Variants in MMAB observed in about 807,000 individuals in gnomAD.
MMAB encodes metabolism of cobalamin associated B, also known as corrinoid adenosyltransferase MMAB.
Under a neutral mutation model 30.6 loss-of-function variants are expected in MMAB, and 17 were observed. The ratio of observed to expected loss-of-function variants is 0.56; its 90% CI spans 0.38 to 0.83. The LOEUF (loss-of-function observed/expected upper bound fraction) is 0.83. Among genes scored for constraint, MMAB ranks in the 40% least tolerant of loss-of-function variants. The pLI is 0.00. For missense variants in MMAB, 311 were observed against 331.6 expected (o/e 0.94, Z 0.48); for synonymous variants, 134 against 138.6 (o/e 0.97, Z 0.23).
chr12:109,568,601 C>G (rs1012821810), intron 3 of MMAB, 169 bp downstream of exon 3: 1 of 698,676 alleles, frequency 1.4e-6, no homozygotes, highest in South Asian at 1.5e-5. Context: ...GAGTCTGCAG[C>G]CCCACAGCCT....
chr12:109,567,012 T>C (rs1278174548), intron 3 of MMAB: 1 of 455,900 alleles, frequency 2.2e-6, no homozygotes, highest in Non-Finnish European at 4.4e-6. Context: ...AAATCTCACC[T>C]AGTCAGGCCC....
rs188441492 is a variant in MMAB, at chr12:109,556,115, C to T, written c.*913G>A. The T allele has an allele frequency of 3.7e-5, 17 of 453,776 alleles. No individual in the cohort carries two copies. The highest frequency in any genetic ancestry group is 1.8e-4 in the African/African-American group (9 of 50,112). 28.1% of individuals were successfully genotyped at this position (453,776 alleles called of 1,614,324 possible). A position where few individuals can be genotyped will look rare whatever the true frequency, so the allele number is the denominator to read the frequency against. On this transcript the variant is annotated 3_prime_UTR_variant, in exon 9 of 9. Coordinates refer to ENST00000545712, the MANE Select transcript of MMAB (RefSeq NM_052845.4). Reference sequence around the variant, plus strand: ...AGGACACTGCTGGCACTGGCAGTGTCGTTTCATAGCAGGAGGGAGCAGCAG... The same window carrying T: ...AGGACACTGCTGGCACTGGCAGTGTTGTTTCATAGCAGGAGGGAGCAGCAG...
chr12:109,564,357 GTTGT>G (rs1042409792), intron 4 of MMAB, among the ~76,000 whole-genome samples: 1 of 146,876 alleles, frequency 6.8e-6, no homozygotes, highest in African/African-American at 2.5e-5. Flanking sequence ...TATGTCTCCA[GTTGT>G]TTGTTTTGGA....
chr12:109,563,313 G>T (rs1352308223), intron 4 of MMAB, among the ~76,000 whole-genome samples: 1 of 152,222 alleles, frequency 6.6e-6, no homozygotes, highest in African/African-American at 2.4e-5. Flanking sequence ...CTGAGGCTCA[G>T]TTTGGCTCCC....
chr12:109,555,287 T>G lies in MMAB; in HGVS notation c.*1741A>C, dbSNP rs749806235. On this transcript the variant is annotated 3_prime_UTR_variant, in exon 9 of 9. Transcript: ENST00000545712. Reference sequence around the variant, plus strand: ...TTGCGTTTTCAGGGTTTTTTTTTTTTTTTTTTTTTTTTTGTGACGGAGTCT... The same window carrying G: ...TTGCGTTTTCAGGGTTTTTTTTTTTGTTTTTTTTTTTTTGTGACGGAGTCT... The G allele has an allele frequency of 6.9e-4, 252 of 366,388 alleles. 2 individuals carry two copies. The highest frequency in any genetic ancestry group is 3.4e-3 in the African/African-American group (123 of 36,696). The allele number at this position is 366,388 out of a possible 1,614,324, so 22.7% of individuals were successfully genotyped here. A position where few individuals can be genotyped will look rare whatever the true frequency, so the allele number is the denominator to read the frequency against.
intron 8 of MMAB, 57 bp downstream of exon 8, chr12:109,559,039 C>G: frequency 1.5e-6 from 2 of 1,377,556 alleles, no homozygotes; most frequent in South Asian, 2.3e-5. Flanking sequence ...ACCGCTGCTA[C>G]TTCCCACAGA....
rs895823332 is a variant in MMAB at position 109,561,669 on chromosome 12, GCTAA to G, written c.421+107_421+110del. 27 of 1,242,488 alleles carry G rather than the reference GCTAA, an allele frequency of 2.2e-5. No homozygotes were observed. The highest frequency in any genetic ancestry group is 3.1e-5 in the Non-Finnish European group (27 of 870,182). 77.0% of individuals were successfully genotyped at this position (1,242,488 alleles called of 1,614,324 possible). On this transcript the variant is annotated intron_variant, in intron 5 of 8. Transcript: ENST00000545712. The surrounding 1 kb of genome is among the most constrained non-coding windows in gnomAD (Gnocchi z 5.3). Reference sequence around the variant, plus strand: ...TTCCCTCCCAGGAGCTACGAGCAAGGCTAACTGACCCACCCGTGGGTCCCTGGGG... The same window carrying G: ...TTCCCTCCCAGGAGCTACGAGCAAGGCTGACCCACCCGTGGGTCCCTGGGG...
Position 109,561,680 on chromosome 12 carries a change from C to G in MMAB, c.421+100G>C. 7.8e-7 allele frequency: 1 copy of G among 1,287,600 alleles called. No homozygotes were observed. Among genetic ancestry groups the G allele is most frequent in the South Asian group, 1.3e-5 (1 of 78,452 alleles). 79.8% of individuals were successfully genotyped at this position (1,287,600 alleles called of 1,614,324 possible). The stretch of plus-strand genomic sequence containing the variant: ...GAGCTACGAGCAAGGCTAACTGACC[C>G]ACCCGTGGGTCCCTGGGGGCCTGGG... On this transcript the variant is annotated intron_variant, in intron 5 of 8. Transcript: ENST00000545712. The surrounding 1 kb of genome is among the most constrained non-coding windows in gnomAD (Gnocchi z 5.3).
At chr12:109,566,829 C>T (rs72650193) in intron 3 of MMAB, among the ~76,000 whole-genome samples, 21 of 152,204 alleles carry the variant, frequency 1.4e-4, no homozygotes, top group Non-Finnish European at 1.2e-4. Context: ...GAGACGATGG[C>T]TCGTGTTTTA....
At chr12:109,565,021 C>T in intron 4 of MMAB, 98 bp downstream of exon 4, 2 of 931,730 alleles carry the variant, frequency 2.1e-6, no homozygotes, top group East Asian at 2.4e-5. Context: ...AGTAACTAGC[C>T]CCAGGTGACA....
rs1555274496 is a variant in MMAB, at chr12:109,561,046, T to TCGGCCCGGCGGCACA, written c.563_577dup (p.Val188_Ala192dup). On this transcript the variant is annotated inframe_insertion, in exon 7 of 9. Transcript: ENST00000545712. This position sits in a 1 kb window ranked among gnomAD's most constrained non-coding sequence, Gnocchi z 5.3. ...CTCTCTCCAGCCCTCTTACCGTCTC[T>TCGGCCCGGCGGCACA]CGGCCCGGCGGCACACGGCCCGGCA... The TCGGCCCGGCGGCACA allele has an allele frequency of 4.3e-5, 63 of 1,450,316 alleles. No homozygotes were observed. The highest frequency in any genetic ancestry group is 5.6e-5 in the Non-Finnish European group (60 of 1,078,868). 89.8% of individuals were successfully genotyped at this position (1,450,316 alleles called of 1,614,324 possible).
At chr12:109,573,240 T>G in intron 1 of MMAB, 107 bp downstream of exon 1, 1 of 1,476,946 alleles carries the variant, frequency 6.8e-7, no homozygotes, top group Non-Finnish European at 9.4e-7. Context: ...CGTGGAGACG[T>G]CACCTGACGG....
chr12:109,564,738 G>T, intron 4 of MMAB: 1 of 351,820 alleles, frequency 2.8e-6, no homozygotes, highest in Non-Finnish European at 5.5e-6. Flanking sequence ...GAGTGCAGTG[G>T]CATGATCACA....
rs1337591474 is a variant in MMAB, at chr12:109,561,627, C to T, written c.422-110G>A. On this transcript the variant is annotated intron_variant, in intron 5 of 8. Transcript: ENST00000545712. This position sits in a 1 kb window ranked among gnomAD's most constrained non-coding sequence, Gnocchi z 5.3. ...CTGGGTGTCCCGCAGACTGCTTCCACTGGCTCAGAAGGTACCTTCCCTCCC... is the reference window on the plus strand; with the variant it reads ...CTGGGTGTCCCGCAGACTGCTTCCATTGGCTCAGAAGGTACCTTCCCTCCC... The T allele has an allele frequency of 2.4e-6, 3 of 1,233,186 alleles. No homozygotes were observed. The highest frequency in any genetic ancestry group is 1.5e-5 in the African/African-American group (1 of 67,030). The allele number at this position is 1,233,186 out of a possible 1,614,324, so 76.4% of individuals were successfully genotyped here.
rs886727967 is a variant in MMAB at position 109,561,772 on chromosome 12, A to C, written c.421+8T>G. 1 of 1,604,318 alleles carries C rather than the reference A, an allele frequency of 6.2e-7. No homozygotes were observed. Among genetic ancestry groups the C allele is most frequent in the African/African-American group, 1.3e-5 (1 of 74,684 alleles). On this transcript the variant is annotated splice_region_variant and intron_variant, in intron 5 of 8. Coordinates refer to ENST00000545712, the MANE Select transcript of MMAB (RefSeq NM_052845.4). This position sits in a 1 kb window ranked among gnomAD's most constrained non-coding sequence, Gnocchi z 5.3. ...CCCTCTGAACACCCACAGGAGTTTG[A>C]GAATTACTTAAGTGAGCCTCCCGGG... is the stretch of plus-strand genomic sequence containing the variant.
chr12:109,557,071 A>T lies in MMAB; in HGVS notation c.710T>A (p.Ile237Lys). Residue 237 changes from isoleucine to lysine, a missense_variant, in exon 9 of 9, where the codon ATA (isoleucine) becomes AAA (lysine). Coordinates refer to ENST00000545712, the MANE Select transcript of MMAB (RefSeq NM_052845.4). ...AAMKEGNQEK[I>K]YMKNDPSAES... ...GGCCGATGGGTCATTTTTCATGTAT[A>T]TTTTCTCTTGATTCCCCTCCTTCAT... The T allele has an allele frequency of 6.2e-7, 1 of 1,613,786 alleles. No homozygotes were observed. Among genetic ancestry groups the T allele is most frequent in the Non-Finnish European group, 8.5e-7 (1 of 1,179,744 alleles).
At chr12:109,562,071 G>A (rs997829973) in intron 4 of MMAB, among the ~76,000 whole-genome samples, 1 of 152,168 alleles carries the variant, frequency 6.6e-6, no homozygotes, top group Admixed American at 6.5e-5. Flanking sequence ...GGATCATTGG[G>A]GTAGTTTTGA....
rs922911513 is a variant in MMAB at position 109,561,500 on chromosome 12, C to T, written c.439G>A (p.Ala147Thr). The change falls in exon 6 of 9, where the codon GCG becomes ACG. Residue 147 changes from alanine to threonine, a missense_variant. Transcript: ENST00000545712. This position sits in a 1 kb window ranked among gnomAD's most constrained non-coding sequence, Gnocchi z 5.3. ...TGCTCCAGCTCCAGGATGGGCCCCGCCTTGAACGTGGTATACTCTGAGGAG... is the reference window on the plus strand; with the variant it reads ...TGCTCCAGCTCCAGGATGGGCCCCGTCTTGAACGTGGTATACTCTGAGGAG... Reference protein sequence around the residue: ...EAHLKYTTFKAGPILELEQWI... With the variant: ...EAHLKYTTFKTGPILELEQWI... 2 of 1,549,764 alleles carry T rather than the reference C, an allele frequency of 1.3e-6. No individual in the cohort carries two copies. The highest frequency in any genetic ancestry group is 1.7e-6 in the Non-Finnish European group (2 of 1,146,956).
intron 4 of MMAB, among the ~76,000 whole-genome samples, chr12:109,563,642 G>A (rs1884295982): frequency 6.6e-6 from 1 of 152,250 alleles, no homozygotes; most frequent in African/African-American, 2.4e-5. Flanking sequence ...CGTGACAGCT[G>A]CGACCCAACG....
Sources: allele counts gnomAD v4.1 joint callset (sites outside exome capture counted in the v4.1 genomes callset), GRCh38; gene constraint gnomAD v4.1.1; non-coding constraint Gnocchi (gnomAD v3.1); transcripts MANE v1.5; gene names NCBI Gene and HGNC (gene_info 2026-07-23, HGNC 2026-07-21).